The following TP53BP1 variants were observed in gnomAD, a reference collection of about 807,000 sequenced individuals.
TP53BP1 encodes TP53-binding protein 1.
TP53BP1 carries 61 observed loss-of-function variants against 200.8 expected under a neutral mutation model. The ratio of observed to expected loss-of-function variants is 0.30; its 90% CI spans 0.25 to 0.38. TP53BP1 has a LOEUF of 0.38. Ranked by LOEUF, TP53BP1 falls within the 10% of genes least tolerant of loss-of-function variation. The pLI is 1.00. For missense variants in TP53BP1, 2,144 were observed against 2,371.9 expected, an observed-to-expected ratio of 0.90 and a Z score of 2.00; for synonymous variants, 822 against 844.3, an observed-to-expected ratio of 0.97 and a Z score of 0.46.
intron 9 of TP53BP1, among the ~76,000 whole-genome samples, chr15:43,475,230 TAAC>T (rs2078862924): frequency 6.6e-6 from 1 of 152,214 alleles, no homozygotes; most frequent in Admixed American, 6.5e-5. Flanking sequence ...ACTGTCAACT[TAAC>T]AACCTATTCT....
At chr15:43,449,184 C>T (rs896954203) in intron 12 of TP53BP1, among the ~76,000 whole-genome samples, 1 of 152,090 alleles carries the variant, frequency 6.6e-6, no homozygotes, top group Non-Finnish European at 1.5e-5. Flanking sequence ...GATGAAGAAT[C>T]TCAACATTAC....
At position 43,492,414 on chromosome 15, in the gene TP53BP1, T is replaced by C. The variant is rs779735704; in HGVS notation, c.62A>G (p.Asp21Gly). The change falls in exon 2 of 28, where the codon GAT becomes GGT. Residue 21 changes from aspartate (D) to glycine (G), a missense_variant. Asp to Gly is a moderately conservative substitution (Grantham distance 94). Transcript: ENST00000382044. Reference sequence around the variant, plus strand: ...ATCTTCAATTATCAGGCAAGGAGTATCTTGCTGAGAGAAATCTGAATCCAA... The same window carrying C: ...ATCTTCAATTATCAGGCAAGGAGTACCTTGCTGAGAGAAATCTGAATCCAA... ...SQLDSDFSQQ[D>G]TPCLIIEDSQ... 8 of 1,613,892 alleles carry C rather than the reference T, an allele frequency of 5.0e-6. No homozygotes were observed. In the African/African-American group the frequency reaches 5.3e-5, roughly 11 times the overall value.
rs531781010 is a variant in TP53BP1 at position 43,422,134 on chromosome 15, G to A, written c.3829-8C>T. On this transcript the variant is annotated splice_polypyrimidine_tract_variant and splice_region_variant and intron_variant, in intron 18 of 27. Coordinates refer to ENST00000382044, the MANE Select transcript of TP53BP1 (RefSeq NM_001141980.3). ...AATTGGCTCTTCAGTCTCCTGCAAGGAAAAAATAGATACAGAAGATAAAAG... is the reference window on the plus strand; with the variant it reads ...AATTGGCTCTTCAGTCTCCTGCAAGAAAAAAATAGATACAGAAGATAAAAG... 270 of 1,606,624 alleles carry A rather than the reference G, an allele frequency of 1.7e-4. 2 individuals are homozygous for A. The South Asian group carries it at 2.9e-3, about 17-fold the overall frequency.
intron 11 of TP53BP1, among the ~76,000 whole-genome samples, chr15:43,460,983 A>G (rs1450764497): frequency 6.6e-6 from 1 of 151,886 alleles, no homozygotes; most frequent in East Asian, 1.9e-4. Flanking sequence ...CAGCCTGTAC[A>G]ACAGAGTAAG....
At chr15:43,450,754 T>A (rs2046147116) in intron 12 of TP53BP1, among the ~76,000 whole-genome samples, 1 of 152,190 alleles carries the variant, frequency 6.6e-6, no homozygotes, top group African/African-American at 2.4e-5. Context: ...AGTAATTCTC[T>A]CTCTCCCTCT....
At position 43,432,373 on chromosome 15, in the gene TP53BP1, A is replaced by T. The variant is rs1223743811; in HGVS notation, c.3496T>A (p.Leu1166Met). The T allele has an allele frequency of 6.2e-7, 1 of 1,614,078 alleles. No homozygotes were observed. Among genetic ancestry groups the T allele is most frequent in the Non-Finnish European group, 8.5e-7 (1 of 1,180,028 alleles). ...GCTGAAACAGTTTCTGGGACCCTCA[A>T]GGAACACTCCATGGTTTGGATTCCT... Reference protein sequence around the residue: ...NIGIQTMECSLRVPETVSAAT... With the variant: ...NIGIQTMECSMRVPETVSAAT... The change falls in exon 17 of 28, where the codon TTG becomes ATG. Residue 1166 changes from leucine to methionine, a missense_variant. By Grantham distance (15) the Leu-to-Met change is conservative (BLOSUM62 2). Coordinates refer to ENST00000382044, the MANE Select transcript of TP53BP1 (RefSeq NM_001141980.3).
chr15:43,421,208 C>T, intron 19 of TP53BP1, 34 bp from the exon 20 acceptor site: 1 of 1,609,020 alleles, frequency 6.2e-7, no homozygotes, highest in Non-Finnish European at 8.5e-7. Flanking sequence ...CTGATAGCAC[C>T]TGCTACTGAA....
At chr15:43,494,271 A>G (rs1285844421), upstream of TP53BP1, among the ~76,000 whole-genome samples, 1 of 152,208 alleles carries the variant, frequency 6.6e-6, no homozygotes, top group Non-Finnish European at 1.5e-5. Context: ...CAGCCCAACC[A>G]TGATTCTCCA....
At chr15:43,478,994 T>C (rs187574777) in intron 7 of TP53BP1, among the ~76,000 whole-genome samples, 3 of 152,188 alleles carry the variant, frequency 2.0e-5, no homozygotes, top group Non-Finnish European at 2.9e-5. Context: ...GAGGATTACT[T>C]GAGCCCAGGA....
At chr15:43,498,200 C>T (rs1454811304) in intron 1 of TP53BP1, among the ~76,000 whole-genome samples, 1 of 152,122 alleles carries the variant, frequency 6.6e-6, no homozygotes, top group Non-Finnish European at 1.5e-5. Context: ...AAATAAATAT[C>T]ATTAATGCTA....
Position 43,456,367 on chromosome 15 carries a change from T to C in TP53BP1, c.2241A>G (p.Glu747=), listed in dbSNP as rs774514900. ...AAGTAGCTTCTTCCCAAGCTTCCTG[T>C]TCCTTATGTTCCAATTCTTGGTCAA... is the stretch of plus-strand genomic sequence containing the variant. ...AILDQELEHK[E]QEAWEEATSE... The change falls in exon 12 of 28, where the codon GAA becomes GAG. Residue 747 remains glutamate, a synonymous_variant. Coordinates refer to ENST00000382044, the MANE Select transcript of TP53BP1 (RefSeq NM_001141980.3). 1.2e-5 allele frequency: 20 copies of C among 1,609,390 alleles called. No individual in the cohort carries two copies. The African/African-American group carries it at 1.6e-4, about 13-fold the overall frequency.
Position 43,456,529 on chromosome 15 carries a change from C to T in TP53BP1, c.2079G>A (p.Pro693=), listed in dbSNP as rs751615663. 1.1e-5 allele frequency: 17 copies of T among 1,606,778 alleles called. No individual in the cohort carries two copies. Among genetic ancestry groups the T allele is most frequent in the East Asian group, 2.2e-5 (1 of 44,862 alleles). The change falls in exon 12 of 28, where the codon CCG becomes CCA. Residue 693 remains proline, a synonymous_variant. Coordinates refer to ENST00000382044, the MANE Select transcript of TP53BP1 (RefSeq NM_001141980.3). ...ELKEENMESV[P]LHLSLTETQS... ...GAGTTTCAGTCAGAGAAAGGTGCAA[C>T]GGAACACTCTCCATATTTTCTTCTT...
intron 1 of TP53BP1, among the ~76,000 whole-genome samples, chr15:43,501,815 G>C (rs2079210753): frequency 6.6e-6 from 1 of 152,138 alleles, no homozygotes; most frequent in Non-Finnish European, 1.5e-5. Context: ...ACATTCAATT[G>C]TATGCAACAC....
chr15:43,510,479 G>A lies in TP53BP1; in HGVS notation c.-118C>T, dbSNP rs113775921. ...AGGGAAACCGAGGATGGAGACCTCGGGCAGGACCCAGGCAGGCAGTGACAA... is the reference window on the plus strand; with the variant it reads ...AGGGAAACCGAGGATGGAGACCTCGAGCAGGACCCAGGCAGGCAGTGACAA... On this transcript the variant is annotated 5_prime_UTR_variant, in exon 1 of 28. Coordinates refer to the TP53BP1 transcript ENST00000263801. 6.3e-3 allele frequency: 975 copies of A among 153,872 alleles called. 9 individuals carry two copies. Among genetic ancestry groups the A allele is most frequent in the African/African-American group, 0.023 (924 of 40,770 alleles). The allele number at this position is 153,872 out of a possible 1,614,324, so 9.5% of individuals were successfully genotyped here.
rs2078937631 is a variant in TP53BP1 at position 43,479,875 on chromosome 15, A to G, written c.642T>C (p.Asp214=). ...GTTTCATACCAGTATTAGCATCCAC[A>G]TCAGACAGCCTGGTATAACCAGAGT... ...TTNSGYTRLS[D]VDANTAIKHE... The change falls in exon 6 of 28, where the codon GAT becomes GAC. Residue 214 remains aspartate, a synonymous_variant. Coordinates refer to ENST00000382044, the MANE Select transcript of TP53BP1 (RefSeq NM_001141980.3). The G allele has an allele frequency of 6.2e-7, 1 of 1,614,212 alleles. No homozygotes were observed. The highest frequency in any genetic ancestry group is 2.2e-5 in the East Asian group (1 of 44,892).
At chr15:43,449,172 T>C (rs1484628543) in intron 12 of TP53BP1, among the ~76,000 whole-genome samples, 8 of 152,044 alleles carry the variant, frequency 5.3e-5, no homozygotes. Flanking sequence ...GTAAACAGTA[T>C]GGATGAAGAA....
intron 2 of TP53BP1, 48 bp downstream of exon 2, chr15:43,492,236 T>TA: frequency 1.9e-6 from 3 of 1,546,046 alleles, no homozygotes; most frequent in Non-Finnish European, 2.6e-6. Flanking sequence ...GGTTTTCGGT[T>TA]TAAAAAAAAA....
chr15:43,408,411 G>T (rs1485683955), intron 26 of TP53BP1: 3 of 287,728 alleles, frequency 1.0e-5, no homozygotes, highest in African/African-American at 4.4e-5. Flanking sequence ...AGCCTGGGAG[G>T]TTGAGGCTGC....
rs1363529177 is a variant in TP53BP1 at position 43,432,633 on chromosome 15, T to C, written c.3236A>G (p.Lys1079Arg). The change falls in exon 17 of 28, where the codon AAA (lysine) becomes AGA (arginine). Residue 1079 changes from lysine (K) to arginine (R), a missense_variant. Lys to Arg is a conservative substitution (Grantham distance 26, BLOSUM62 2). Coordinates refer to ENST00000382044, the MANE Select transcript of TP53BP1 (RefSeq NM_001141980.3). ...TGTATGGTCACCCTCCAATTTTTCT[T>C]TCTCCTCTTCTCCTTGAGAACTTGG... ...HFPSSQGEEE[K>R]EKLEGDHTIR... 1 of 1,609,310 alleles carries C rather than the reference T, an allele frequency of 6.2e-7. No homozygotes were observed. The highest frequency in any genetic ancestry group is 8.5e-7 in the Non-Finnish European group (1 of 1,176,528).
Sources: gnomAD v4.1 joint callset for allele counts (sites outside exome capture counted in the v4.1 genomes callset) on GRCh38, gnomAD v4.1.1 for gene constraint, MANE v1.5 for transcripts, NCBI Gene and HGNC (gene_info 2026-07-23, HGNC 2026-07-21) for gene names.